BMP6: variants seen among roughly 807,000 people sequenced by gnomAD.
BMP6 encodes bone morphogenetic protein 6, also known as VG-1-R.
Under a neutral mutation model 54.1 loss-of-function variants are expected in BMP6, and 17 were observed. The ratio of observed to expected loss-of-function variants is 0.31; its 90% confidence interval spans 0.22 to 0.47. BMP6 has a LOEUF of 0.47. Among genes scored for constraint, BMP6 ranks in the 20% least tolerant of loss-of-function variants. The probability of loss-of-function intolerance (pLI) is 1.00; values close to 1 mark genes in which losing one functional copy is unlikely to be tolerated. For synonymous variants in BMP6, 328 were observed against 291.2 expected, an observed-to-expected ratio of 1.13 and a Z score of -1.28; for missense variants, 720 against 690.4, an observed-to-expected ratio of 1.04 and a Z score of -0.48.
At chr6:7,851,419 A>G (rs1234556708) in intron 2 of BMP6, among the ~76,000 whole-genome samples, 1 of 152,196 alleles carries the variant, frequency 6.6e-6, no homozygotes, top group African/African-American at 2.4e-5. Context: ...GCTCACATAT[A>G]GCATACCATT....
intron 4 of BMP6, among the ~76,000 whole-genome samples, chr6:7,874,940 TATAGG>T (rs1759585583): frequency 6.6e-6 from 1 of 151,922 alleles, no homozygotes; most frequent in Admixed American, 6.6e-5. Context: ...TATATATATA[TATAGG>T]AGGAGATTTA....
In BMP6 at chr6:7,805,975, G is replaced by T. The variant is rs1280645080; in HGVS notation, c.665-39165G>T. ...CACATTCAGGCTCATTACTGCTGAA[G>T]TGTGAAGTGTCCACTTGGAAAGAAT... On this transcript the variant is annotated intron_variant, in intron 1 of 6. Coordinates refer to ENST00000283147, the MANE Select transcript of BMP6 (RefSeq NM_001718.6). 2.0e-5 allele frequency among the ~76,000 whole-genome samples: 3 copies of T among 152,352 alleles called. No individual in the cohort carries two copies. In the East Asian group the frequency reaches 5.8e-4, roughly 29 times the overall value.
intron 1 of BMP6, among the ~76,000 whole-genome samples, chr6:7,744,688 C>G (rs1324498494): frequency 6.6e-6 from 1 of 152,218 alleles, no homozygotes; most frequent in African/African-American, 2.4e-5. Flanking sequence ...AAAGTTCCCT[C>G]AGGCTGCTTG....
chr6:7,735,703 G>A (rs1761943784), intron 1 of BMP6, among the ~76,000 whole-genome samples: 1 of 152,086 alleles, frequency 6.6e-6, no homozygotes, highest in Non-Finnish European at 1.5e-5. Flanking sequence ...TCACCCAGCA[G>A]AATTTGGTAT....
chr6:7,774,807 C>T (rs929588929), intron 1 of BMP6, among the ~76,000 whole-genome samples: 9 of 152,180 alleles, frequency 5.9e-5, no homozygotes, highest in Non-Finnish European at 1.0e-4. Flanking sequence ...GTTGCTATAA[C>T]AATGCCACAG....
chr6:7,826,947 T>C (rs1030037795), intron 1 of BMP6, among the ~76,000 whole-genome samples: 2 of 152,176 alleles, frequency 1.3e-5, no homozygotes, highest in African/African-American at 2.4e-5. Context: ...TCTTTTGCAC[T>C]ATGAGCCATG....
intron 1 of BMP6, among the ~76,000 whole-genome samples, chr6:7,749,209 A>G (rs1255588216): frequency 6.6e-6 from 1 of 152,242 alleles, no homozygotes; most frequent in East Asian, 1.9e-4. Context: ...AGCTGTGCTT[A>G]GCTCGGATTG....
At chr6:7,851,174 T>C (rs1218516397) in intron 2 of BMP6, among the ~76,000 whole-genome samples, 1 of 152,224 alleles carries the variant, frequency 6.6e-6, no homozygotes, top group Non-Finnish European at 1.5e-5. Context: ...GGGCTTCTGA[T>C]TGGAATTGCA....
chr6:7,811,873 T>C (rs144510203), intron 1 of BMP6, among the ~76,000 whole-genome samples: 1 of 152,332 alleles, frequency 6.6e-6, no homozygotes, highest in African/African-American at 2.4e-5. Context: ...ATAAAAAGCC[T>C]CTGGTGATGA....
chr6:7,800,177 C>A (rs1168871638), intron 1 of BMP6, among the ~76,000 whole-genome samples: 3 of 150,550 alleles, frequency 2.0e-5, no homozygotes, highest in African/African-American at 7.3e-5. Context: ...ATACCCACTT[C>A]CAAACATGTC....
intron 1 of BMP6, among the ~76,000 whole-genome samples, chr6:7,739,170 G>A (rs1182268210): frequency 3.3e-5 from 5 of 152,156 alleles, no homozygotes; most frequent in Admixed American, 1.3e-4. Context: ...GTAGTTTTGC[G>A]TTGTGGTGAC....
intron 1 of BMP6, among the ~76,000 whole-genome samples, chr6:7,843,602 C>G (rs1759013469): frequency 6.6e-6 from 1 of 152,068 alleles, no homozygotes; most frequent in Non-Finnish European, 1.5e-5. Context: ...GATTAATTTG[C>G]TCATGAGATT....
intron 4 of BMP6, among the ~76,000 whole-genome samples, chr6:7,877,159 A>T: frequency 6.6e-6 from 1 of 151,376 alleles, no homozygotes; most frequent in South Asian, 2.1e-4. Flanking sequence ...ATTTCCCTCC[A>T]GGGCTTCTCT....
intron 1 of BMP6, among the ~76,000 whole-genome samples, chr6:7,843,062 G>A (rs574645238): frequency 2.0e-5 from 3 of 152,260 alleles, no homozygotes; most frequent in Non-Finnish European, 4.4e-5. Flanking sequence ...AAGGCAGATC[G>A]GTTTTAGGGA....
intron 1 of BMP6, among the ~76,000 whole-genome samples, chr6:7,813,612 C>T (rs552354358): frequency 9.2e-5 from 12 of 130,388 alleles, no homozygotes; most frequent in Non-Finnish European, 6.2e-5. Context: ...CACTGCGCTC[C>T]AGCCAGGGTG....
chr6:7,842,328 C>T (rs539921019), intron 1 of BMP6, among the ~76,000 whole-genome samples: 2 of 152,268 alleles, frequency 1.3e-5, no homozygotes, highest in South Asian at 4.1e-4. Context: ...CTTCTGGTGC[C>T]TCAGCTGAGG....
intron 1 of BMP6, among the ~76,000 whole-genome samples, chr6:7,746,964 G>C (rs538859940): frequency 2.6e-5 from 4 of 152,290 alleles, no homozygotes; most frequent in Admixed American, 1.3e-4. Context: ...AGAGAGAGCT[G>C]TCATCTCCTG....
intron 1 of BMP6, among the ~76,000 whole-genome samples, chr6:7,832,026 C>T (rs1042815981): frequency 1.3e-5 from 2 of 152,112 alleles, no homozygotes; most frequent in African/African-American, 2.4e-5. Flanking sequence ...GCTTGCAGCC[C>T]AGCAGGTTAA....
chr6:7,848,710 C>T (rs372180410), intron 2 of BMP6, among the ~76,000 whole-genome samples: 5 of 152,220 alleles, frequency 3.3e-5, no homozygotes, highest in African/African-American at 1.2e-4. Flanking sequence ...CAGGCTGCAA[C>T]AATAGTCTGC....
Sources: gnomAD v4.1 joint callset for allele counts (sites outside exome capture counted in the v4.1 genomes callset) on GRCh38, gnomAD v4.1.1 for gene constraint, MANE v1.5 for transcripts, NCBI Gene and HGNC (gene_info 2026-07-23, HGNC 2026-07-21) for gene names.